SLC2A9: variants seen among roughly 807,000 people sequenced by gnomAD.
The protein encoded by SLC2A9 is solute carrier family 2, facilitated glucose transporter member 9.
SLC2A9 carries 39 observed loss-of-function variants against 50.6 expected under a neutral mutation model. The ratio of observed to expected loss-of-function variants is 0.77; its 90% CI spans 0.60 to 1.01. The LOEUF (loss-of-function observed/expected upper bound fraction) is 1.01, where lower values mean the gene tolerates loss of function less well. Ranked by LOEUF, SLC2A9 falls within the 50% of genes least tolerant of loss-of-function variation. The probability of loss-of-function intolerance (pLI) is 0.00; values close to 1 mark genes in which losing one functional copy is unlikely to be tolerated. For missense variants in SLC2A9, 686 were observed against 677.6 expected (o/e 1.01, Z -0.14); for synonymous variants, 324 against 276.9 (o/e 1.17, Z -1.69).
chr4:9,956,169 C>T (rs1030009258), intron 5 of SLC2A9, among the ~76,000 whole-genome samples: 2 of 150,646 alleles, frequency 1.3e-5, no homozygotes, highest in East Asian at 2.0e-4. Context: ...GTGATCCACC[C>T]AGTGAGCATC....
intron 10 of SLC2A9, among the ~76,000 whole-genome samples, chr4:9,857,531 G>C (rs1276923241): frequency 5.3e-5 from 8 of 152,198 alleles, no homozygotes; most frequent in Admixed American, 5.2e-4. Context: ...GGCATCCCTG[G>C]CAGAGGCTTT....
intron 5 of SLC2A9, among the ~76,000 whole-genome samples, chr4:9,968,809 T>C (rs1753449002): frequency 6.6e-6 from 1 of 152,202 alleles, no homozygotes; most frequent in Non-Finnish European, 1.5e-5. Flanking sequence ...TTATATTTTA[T>C]CAAGATAATT....
intron 5 of SLC2A9, among the ~76,000 whole-genome samples, chr4:9,967,594 A>T (rs879600439): frequency 9.2e-5 from 14 of 152,060 alleles, no homozygotes; most frequent in Non-Finnish European, 1.6e-4. Context: ...TAATTTTTTT[A>T]AATTAAAAGG....
intron 3 of SLC2A9, chr4:9,782,224 C>G (rs1290809760): frequency 6.2e-7 from 1 of 1,612,762 alleles, no homozygotes; most frequent in Non-Finnish European, 8.5e-7. Context: ...GCGCAGCCAT[C>G]GTGCGGAGCC....
downstream of SLC2A9, among the ~76,000 whole-genome samples, chr4:9,776,680 C>A (rs997340267): frequency 6.6e-6 from 1 of 152,138 alleles, no homozygotes; most frequent in Non-Finnish European, 1.5e-5. Flanking sequence ...GGAGAAGGCA[C>A]CTAGATATGC....
At chr4:9,820,931 C>G (rs1724309130) in intron 3 of SLC2A9, among the ~76,000 whole-genome samples, 1 of 152,080 alleles carries the variant, frequency 6.6e-6, no homozygotes, top group Non-Finnish European at 1.5e-5. Flanking sequence ...ATTTTTCTCA[C>G]CTTGTTACAC....
Position 9,877,238 on chromosome 4 carries a change from T to C in SLC2A9, c.1291+10329A>G, listed in dbSNP as rs190787236. ...ATCTATTATTTGTTCATTCACTTGT[T>C]TATTCATTCAACAAGTAAGAATGTG... On this transcript the variant is annotated intron_variant, in intron 10 of 11. Coordinates refer to ENST00000264784, the MANE Select transcript of SLC2A9 (RefSeq NM_020041.3). 5.3e-5 allele frequency among the ~76,000 whole-genome samples: 8 copies of C among 152,342 alleles called. No individual in the cohort carries two copies. In the East Asian group the frequency reaches 1.5e-3, roughly 29 times the overall value.
In SLC2A9 at chr4:9,876,742, T is replaced by C. The variant is rs1257884958; in HGVS notation, c.1291+10825A>G. Among the ~76,000 whole-genome samples the C allele has an allele frequency of 2.6e-5, 4 of 152,218 alleles. No homozygotes were observed. The South Asian group carries it at 6.2e-4, about 24-fold the overall frequency. Reference sequence around the variant, plus strand: ...AGTTTTAGATAGCTCATCTTTTAAGTCCCTTCCCTAAAAGCCTGTGTGGTA... The same window carrying C: ...AGTTTTAGATAGCTCATCTTTTAAGCCCCTTCCCTAAAAGCCTGTGTGGTA... On this transcript the variant is annotated intron_variant, in intron 10 of 11. Transcript: ENST00000264784.
intron 9 of SLC2A9, 73 bp from the exon 10 acceptor site, chr4:9,887,715 T>A: frequency 2.5e-6 from 3 of 1,210,414 alleles, no homozygotes; most frequent in Middle Eastern, 2.0e-4. Flanking sequence ...CCACCCCAGC[T>A]CCTCCTCCAT....
chr4:9,833,333 G>A (rs1323188407), intron 11 of SLC2A9, among the ~76,000 whole-genome samples: 1 of 152,148 alleles, frequency 6.6e-6, no homozygotes, highest in Non-Finnish European at 1.5e-5. Flanking sequence ...TACAGGGTGT[G>A]GCAGCCTTCT....
chr4:9,958,209 A>G (rs1433897764), intron 5 of SLC2A9, among the ~76,000 whole-genome samples: 1 of 152,232 alleles, frequency 6.6e-6, no homozygotes, highest in Non-Finnish European at 1.5e-5. Context: ...GAATAAAGAC[A>G]TTTTTAGACA....
upstream of SLC2A9, chr4:10,025,847 A>G: frequency 1.3e-6 from 2 of 1,532,284 alleles, no homozygotes; most frequent in Non-Finnish European, 9.0e-7. Context: ...AAGGGGTACT[A>G]CCCCCTGGGT....
chr4:9,931,248 G>T, intron 6 of SLC2A9, among the ~76,000 whole-genome samples: 1 of 152,156 alleles, frequency 6.6e-6, no homozygotes, highest in South Asian at 2.1e-4. Flanking sequence ...AGGGCTTCCT[G>T]TGGCTCATAC....
At chr4:10,001,203 C>T (rs964262611) in intron 2 of SLC2A9, among the ~76,000 whole-genome samples, 9 of 152,100 alleles carry the variant, frequency 5.9e-5, no homozygotes, top group African/African-American at 2.2e-4. Flanking sequence ...AGTCCTAACC[C>T]CTAGTACCTC....
upstream of SLC2A9, chr4:10,021,527 G>A (rs753070370): frequency 2.6e-5 from 40 of 1,567,276 alleles, no homozygotes; most frequent in East Asian, 3.7e-4. Context: ...GAAGGAGGGC[G>A]GGAGTTCCTG....
chr4:10,014,698 T>C (rs4144), intron 2 of SLC2A9, among the ~76,000 whole-genome samples: 110,838 of 152,076 alleles, frequency 0.73, 41,228 homozygotes, highest in East Asian at 0.98. Flanking sequence ...ATGCAGCCTG[T>C]CTCACTGGTG....
chr4:9,956,263 C>T (rs1372829474), intron 5 of SLC2A9, among the ~76,000 whole-genome samples: 1 of 151,486 alleles, frequency 6.6e-6, no homozygotes, highest in African/African-American at 2.4e-5. Context: ...GCAGGTGGAT[C>T]ACAAAGTCAG....
At chr4:10,018,743 CCAGGACACCCG>C (rs1763082412) in intron 2 of SLC2A9, among the ~76,000 whole-genome samples, 1 of 152,030 alleles carries the variant, frequency 6.6e-6, no homozygotes, top group South Asian at 2.1e-4. Flanking sequence ...CAACGTTCTC[CCAGGACACCCG>C]CCCTCCAGCC....
At chr4:10,021,695 G>A (rs1205263124), upstream of SLC2A9, among the ~76,000 whole-genome samples, 1 of 149,766 alleles carries the variant, frequency 6.7e-6, no homozygotes, top group East Asian at 2.0e-4. Flanking sequence ...TTTTTTCTTA[G>A]CATCTTTTTA....
Sources: allele counts gnomAD v4.1 joint callset (sites outside exome capture counted in the v4.1 genomes callset), GRCh38; gene constraint gnomAD v4.1.1; transcripts MANE v1.5; gene names NCBI Gene and HGNC (gene_info 2026-07-23, HGNC 2026-07-21).